The following HYDIN variants were observed in gnomAD, a reference collection of about 807,000 sequenced individuals.
The protein encoded by HYDIN is axonemal central pair apparatus protein HYDIN.
A neutral mutation model predicts 403.9 loss-of-function variants in HYDIN; 132 were observed. The observed-to-expected ratio is 0.33, with a 90% CI of 0.28 to 0.38. The LOEUF (loss-of-function observed/expected upper bound fraction) is 0.38. HYDIN is among the 10% of genes least tolerant of loss of function. The pLI is 1.00. For synonymous variants in HYDIN, 1,202 were observed against 1,891.7 expected (o/e 0.64, Z 9.46); for missense variants, 2,827 against 5,009.5 (o/e 0.56, Z 13.15).
At chr16:70,901,568 A>G (rs1246422846) in intron 52 of HYDIN, among the ~76,000 whole-genome samples, 1 of 146,068 alleles carries the variant, frequency 6.8e-6, no homozygotes, top group Non-Finnish European at 1.5e-5. Context: ...CATAATACTT[A>G]GCATATATTT....
chr16:70,891,348 T>C (rs930474863), intron 57 of HYDIN, among the ~76,000 whole-genome samples: 1 of 152,100 alleles, frequency 6.6e-6, no homozygotes, highest in Non-Finnish European at 1.5e-5. Flanking sequence ...GCCACCACAC[T>C]TGGCTAATTT....
intron 13 of HYDIN, among the ~76,000 whole-genome samples, chr16:71,077,717 G>T (rs1000180146): frequency 5.3e-5 from 8 of 151,488 alleles, no homozygotes; most frequent in Non-Finnish European, 1.2e-4. Context: ...ACATTAAATT[G>T]TAATATCCCA....
chr16:71,060,101 C>T (rs529597478), intron 18 of HYDIN, among the ~76,000 whole-genome samples: 2 of 151,996 alleles, frequency 1.3e-5, no homozygotes, highest in African/African-American at 4.8e-5. Flanking sequence ...GTTAAAGAGA[C>T]ATCTAAAAAG....
chr16:71,030,237 TA>T (rs67625960), intron 19 of HYDIN, among the ~76,000 whole-genome samples: 2 of 151,516 alleles, frequency 1.3e-5, no homozygotes, highest in African/African-American at 2.4e-5. Flanking sequence ...TTCGTAGAGA[TA>T]GGGGGGTCTC....
chr16:70,943,986 G>C, intron 41 of HYDIN, 37 bp from the exon 42 acceptor site: 1 of 1,502,250 alleles, frequency 6.7e-7, no homozygotes, highest in Non-Finnish European at 9.1e-7. Context: ...TCAGAATCTG[G>C]CCTTGTATCT....
intron 23 of HYDIN, among the ~76,000 whole-genome samples, chr16:71,007,477 CAG>C (rs1197095278): frequency 6.6e-6 from 1 of 151,938 alleles, no homozygotes; most frequent in Non-Finnish European, 1.5e-5. Flanking sequence ...GTGGTTAAAA[CAG>C]GGGCTTTGCA....
intron 1 of HYDIN, among the ~76,000 whole-genome samples, chr16:71,218,717 G>A (rs966790131): frequency 3.3e-5 from 5 of 152,106 alleles, no homozygotes; most frequent in Non-Finnish European, 5.9e-5. Flanking sequence ...TCTCATTCTG[G>A]TAGAGCTAAA....
chr16:70,807,896 A>T lies in HYDIN; in HGVS notation c.15050T>A (p.Leu5017His). 1 of 1,614,138 alleles carries T rather than the reference A, an allele frequency of 6.2e-7. No homozygotes were observed. The highest frequency in any genetic ancestry group is 1.1e-5 in the South Asian group (1 of 91,072). Residue 5017 changes from leucine (L) to histidine (H), a missense_variant, in exon 86 of 86, where the codon CTC becomes CAC. Physicochemically the swap from Leu to His is moderately conservative, Grantham distance 99. Transcript: ENST00000393567. ...CTTGGGAGGCAGAGCCATTCCAAAG[A>T]GGGGGATGATATACTCTCCACCTGC... ...SLAGGEYIIP[L>H]FGMALPPKPQ...
chr16:70,904,562 G>A lies in HYDIN; in HGVS notation c.8517-498C>T, dbSNP rs530322547. 6.7e-5 allele frequency among the ~76,000 whole-genome samples: 5 copies of A among 75,026 alleles called. No homozygotes were observed. In the East Asian group the frequency reaches 1.4e-3, roughly 21 times the overall value. The allele number at this position is 75,026 out of a possible 152,430, so 49.2% of individuals were successfully genotyped here. On this transcript the variant is annotated intron_variant, in intron 50 of 85. Coordinates refer to ENST00000393567, the MANE Select transcript of HYDIN (RefSeq NM_001270974.2). ...GTTGCCCAAGTTGGAGTGCAGTGGC[G>A]CAATCTCAGCTCACTGCAACCTCCA...
intron 14 of HYDIN, among the ~76,000 whole-genome samples, chr16:71,068,604 C>T (rs1181666312): frequency 6.6e-6 from 1 of 151,458 alleles, no homozygotes; most frequent in African/African-American, 2.4e-5. Context: ...ACAACAACAA[C>T]AAACAACAAC....
At chr16:70,882,927 G>T (rs1362677124) in intron 59 of HYDIN, 32 bp from the exon 60 acceptor site, 1 of 1,516,836 alleles carries the variant, frequency 6.6e-7, no homozygotes, top group African/African-American at 1.4e-5. Flanking sequence ...ATGAGATGCT[G>T]CCTGATTGCT....
At chr16:71,186,686 AT>A (rs2087167381) in intron 2 of HYDIN, 74 bp downstream of exon 2, 4 of 1,196,444 alleles carry the variant, frequency 3.3e-6, no homozygotes, top group Non-Finnish European at 4.8e-6. Context: ...CATTCTGAGA[AT>A]GCCAAGTAGC....
chr16:70,884,076 T>C lies in HYDIN; in HGVS notation c.9823A>G (p.Ile3275Val). The change falls in exon 59 of 86, where the codon ATT becomes GTT. Residue 3275 changes from isoleucine to valine, a missense_variant. Physicochemically the swap from Ile to Val is conservative, Grantham distance 29. Transcript: ENST00000393567. ...MFTVYPGFGS[I>V]PSGGQQVINV... ...ATGACCTGCTGTCCTCCGGAAGGAATGGAGCCAAACCCAGGGTACACGGTG... is the reference window on the plus strand; with the variant it reads ...ATGACCTGCTGTCCTCCGGAAGGAACGGAGCCAAACCCAGGGTACACGGTG... 1 of 1,611,598 alleles carries C rather than the reference T, an allele frequency of 6.2e-7. No individual in the cohort carries two copies. The highest frequency in any genetic ancestry group is 8.5e-7 in the Non-Finnish European group (1 of 1,179,036).
intron 1 of HYDIN, among the ~76,000 whole-genome samples, chr16:71,224,856 C>T (rs994144300): frequency 5.9e-5 from 9 of 152,114 alleles, no homozygotes; most frequent in Admixed American, 2.0e-4. Flanking sequence ...CCACCGCGCC[C>T]GGCCTAAGGT....
chr16:71,121,531 CT>C (rs2084258520), intron 9 of HYDIN, among the ~76,000 whole-genome samples: 1 of 151,036 alleles, frequency 6.6e-6, no homozygotes, highest in South Asian at 2.1e-4. Flanking sequence ...TCAAGAGTAA[CT>C]ATAATAGGTG....
intron 18 of HYDIN, among the ~76,000 whole-genome samples, chr16:71,044,089 C>T (rs1252097691): frequency 6.6e-6 from 1 of 150,508 alleles, no homozygotes; most frequent in Non-Finnish European, 1.5e-5. Flanking sequence ...ATTTTAGATG[C>T]CCAACTAACA....
intron 43 of HYDIN, 135 bp from the exon 44 acceptor site, chr16:70,938,890 G>T (rs1280995138): frequency 3.1e-6 from 2 of 649,894 alleles, no homozygotes; most frequent in South Asian, 3.8e-5. Flanking sequence ...GATTGCAGGG[G>T]TGGGGGGGTC....
intron 10 of HYDIN, 57 bp downstream of exon 10, chr16:71,115,639 C>T (rs1294793457): frequency 1.1e-6 from 1 of 900,750 alleles, no homozygotes; most frequent in Non-Finnish European, 1.9e-6. Flanking sequence ...TCAGGCACCA[C>T]ACTTCATGCT....
intron 85 of HYDIN, among the ~76,000 whole-genome samples, chr16:70,808,391 G>A (rs1182558192): frequency 1.3e-5 from 2 of 152,094 alleles, no homozygotes; most frequent in African/African-American, 4.8e-5. Flanking sequence ...CAAACATTCT[G>A]GTTCCTTGCA....
Sources: gnomAD v4.1 joint callset for allele counts (sites outside exome capture counted in the v4.1 genomes callset) on GRCh38, gnomAD v4.1.1 for gene constraint, MANE v1.5 for transcripts, NCBI Gene and HGNC (gene_info 2026-07-23, HGNC 2026-07-21) for gene names.